RASGRP1: variants seen among roughly 807,000 people sequenced by gnomAD.
RASGRP1 encodes RAS guanyl-releasing protein 1.
A neutral mutation model predicts 95.1 loss-of-function variants in RASGRP1; 37 were observed. The observed-to-expected ratio is 0.39, with a 90% CI of 0.30 to 0.51. RASGRP1 has a LOEUF of 0.51. Among genes scored for constraint, RASGRP1 ranks in the 20% least tolerant of loss-of-function variants. The pLI, the probability that RASGRP1 is intolerant of heterozygous loss-of-function variation, is 0.80. For synonymous variants in RASGRP1, 325 were observed against 353.4 expected (o/e 0.92, Z 0.90); for missense variants, 711 against 965.4 (o/e 0.74, Z 3.49).
At chr15:38,533,930 T>G (rs1892539507) in intron 2 of RASGRP1, among the ~76,000 whole-genome samples, 1 of 152,232 alleles carries the variant, frequency 6.6e-6, no homozygotes, top group African/African-American at 2.4e-5. Context: ...TCACTGAACA[T>G]GCACCTAGGA....
intron 9 of RASGRP1, among the ~76,000 whole-genome samples, chr15:38,506,377 G>A (rs1294226399): frequency 1.3e-5 from 2 of 152,210 alleles, no homozygotes; most frequent in Non-Finnish European, 2.9e-5. Context: ...GCTCATGCCT[G>A]TATTCCCAGC....
At chr15:38,535,822 T>C (rs1158337604) in intron 2 of RASGRP1, among the ~76,000 whole-genome samples, 1 of 152,232 alleles carries the variant, frequency 6.6e-6, no homozygotes, top group Non-Finnish European at 1.5e-5. Flanking sequence ...GCAAGACAGC[T>C]GGCCTTCCTT....
chr15:38,519,421 G>A (rs572147394), intron 3 of RASGRP1, 50 bp from the exon 4 acceptor site: 38 of 1,333,148 alleles, frequency 2.9e-5, no homozygotes, highest in Admixed American at 2.6e-4. Context: ...GAAACCAAAC[G>A]ACTTTTCATC....
At position 38,559,846 on chromosome 15, in the gene RASGRP1, G is replaced by A. The variant is rs1299537237; in HGVS notation, c.195C>T (p.Leu65=). ...HLAKGASLDD[L]IDSCIQSFDA... is the part of the protein sequence containing the mutation. ...CAAAAGATTGAATGCAGCTGTCAAT[G>A]AGATCGTCCAGGCTGGCTCCTTTGG... is the stretch of plus-strand genomic sequence containing the variant. Residue 65 remains leucine (L), a synonymous_variant, in exon 2 of 17, where the codon CTC becomes CTT. Transcript: ENST00000310803. 5.6e-6 allele frequency: 9 copies of A among 1,613,864 alleles called. No individual in the cohort carries two copies. In the Admixed American group the frequency reaches 1.2e-4, roughly 21 times the overall value.
intron 10 of RASGRP1, chr15:38,503,668 C>T: frequency 2.6e-6 from 1 of 381,708 alleles, no homozygotes; most frequent in Non-Finnish European, 4.7e-6. Flanking sequence ...AACCCTTTGT[C>T]AGAGCTATCA....
Position 38,564,800 on chromosome 15 carries a change from A to C in RASGRP1, c.-172T>G. ...CGACCGAGGTGCACCGCAGGCACAA[A>C]CTTTGTGCGAGCGCGCCCCCTCTGC... On this transcript the variant is annotated 5_prime_UTR_variant, in exon 1 of 17. Transcript: ENST00000310803. The C allele has an allele frequency of 5.0e-6, 2 of 398,668 alleles. No individual in the cohort carries two copies. Among genetic ancestry groups the C allele is most frequent in the Non-Finnish European group, 7.5e-6 (2 of 266,744 alleles). 24.7% of individuals were successfully genotyped at this position (398,668 alleles called of 1,614,324 possible). A position where few individuals can be genotyped will look rare whatever the true frequency, so the allele number is the denominator to read the frequency against.
intron 5 of RASGRP1, 41 bp from the exon 6 acceptor site, chr15:38,516,391 G>A (rs1019380343): frequency 2.7e-5 from 42 of 1,573,296 alleles, no homozygotes; most frequent in Non-Finnish European, 3.5e-5. Flanking sequence ...CAGGGAAAAG[G>A]AATAAATCGC....
chr15:38,501,859 T>G (rs1400899129), intron 12 of RASGRP1, among the ~76,000 whole-genome samples: 5 of 149,340 alleles, frequency 3.3e-5, no homozygotes, highest in African/African-American at 9.8e-5. Context: ...CAGTTTTTGT[T>G]TTTTTTTTTT....
At chr15:38,494,185 C>A in intron 16 of RASGRP1, 197 bp downstream of exon 16, 2 of 714,806 alleles carry the variant, frequency 2.8e-6, no homozygotes, top group Non-Finnish European at 4.6e-6. Context: ...TGTGAGAAAG[C>A]TGGAATCAAT....
intron 1 of RASGRP1, 138 bp downstream of exon 1, chr15:38,564,456 G>T: frequency 4.9e-6 from 3 of 609,276 alleles, no homozygotes; most frequent in Non-Finnish European, 6.4e-6. Flanking sequence ...CGCCCGTCGC[G>T]CTGGTGTCCC....
rs1398091915 is a variant in RASGRP1, at chr15:38,503,180, T to A, written c.1428+92A>T. On this transcript the variant is annotated intron_variant, in intron 11 of 16. Coordinates refer to ENST00000310803, the MANE Select transcript of RASGRP1 (RefSeq NM_005739.4). ...GGTTCAAGTTTCGTGCCTTTACATTTCCACCATTGTGCTTTCCTCTCCCTT... is the reference window on the plus strand; with the variant it reads ...GGTTCAAGTTTCGTGCCTTTACATTACCACCATTGTGCTTTCCTCTCCCTT... 7.7e-6 allele frequency: 8 copies of A among 1,032,644 alleles called. No individual in the cohort carries two copies. The East Asian group carries it at 2.1e-4, about 27-fold the overall frequency. The allele number at this position is 1,032,644 out of a possible 1,614,324, so 64.0% of individuals were successfully genotyped here. A position where few individuals can be genotyped will look rare whatever the true frequency, so the allele number is the denominator to read the frequency against.
At chr15:38,542,887 ATATATG>A (rs1386944436) in intron 2 of RASGRP1, among the ~76,000 whole-genome samples, 1 of 140,560 alleles carries the variant, frequency 7.1e-6, no homozygotes, top group Non-Finnish European at 1.5e-5. Context: ...ATATATACAC[ATATATG>A]TGTATATATA....
At chr15:38,540,812 A>G (rs1047433945) in intron 2 of RASGRP1, among the ~76,000 whole-genome samples, 1 of 152,226 alleles carries the variant, frequency 6.6e-6, no homozygotes, top group Non-Finnish European at 1.5e-5. Context: ...AAATTCAAAA[A>G]GCCTTTTTAG....
At chr15:38,544,811 G>A (rs1893045637) in intron 2 of RASGRP1, among the ~76,000 whole-genome samples, 3 of 152,234 alleles carry the variant, frequency 2.0e-5, no homozygotes. Context: ...GTGCTCTCAG[G>A]CAGAAAGCCA....
intron 2 of RASGRP1, among the ~76,000 whole-genome samples, chr15:38,549,533 T>C (rs1227068541): frequency 6.6e-6 from 1 of 152,194 alleles, no homozygotes; most frequent in African/African-American, 2.4e-5. Context: ...CTCCTCCAAC[T>C]AGAAATCCTC....
chr15:38,513,291 G>T (rs1029679741), intron 6 of RASGRP1, among the ~76,000 whole-genome samples: 1 of 152,170 alleles, frequency 6.6e-6, no homozygotes, highest in African/African-American at 2.4e-5. Flanking sequence ...ACAGAATAAA[G>T]ATCAGTATTG....
intron 2 of RASGRP1, among the ~76,000 whole-genome samples, chr15:38,554,083 G>A (rs1305788968): frequency 6.6e-6 from 1 of 152,128 alleles, no homozygotes; most frequent in East Asian, 1.9e-4. Flanking sequence ...TTGACTGTGA[G>A]GAATTTGAAT....
At chr15:38,562,833 A>G (rs1470365861) in intron 1 of RASGRP1, among the ~76,000 whole-genome samples, 1 of 152,182 alleles carries the variant, frequency 6.6e-6, no homozygotes, top group Admixed American at 6.5e-5. Flanking sequence ...ATTCTGGTAA[A>G]GTTTCCTAGT....
chr15:38,506,672 G>GTATC (rs1325173917), intron 9 of RASGRP1, among the ~76,000 whole-genome samples: 3 of 148,740 alleles, frequency 2.0e-5, no homozygotes. Flanking sequence ...TGAGTTTCAT[G>GTATC]TATCTTAGAA....
Sources: allele counts gnomAD v4.1 joint callset (sites outside exome capture counted in the v4.1 genomes callset), GRCh38; gene constraint gnomAD v4.1.1; transcripts MANE v1.5; gene names NCBI Gene and HGNC (gene_info 2026-07-23, HGNC 2026-07-21).